IQSEC1: variants seen among roughly 807,000 people sequenced by gnomAD.
IQSEC1 encodes IQ motif and SEC7 domain-containing protein 1.
IQSEC1 carries 31 observed loss-of-function variants against 91.0 expected under a neutral mutation model. The observed-to-expected ratio is 0.34, with a 90% CI of 0.26 to 0.46. IQSEC1 has a LOEUF of 0.46. Ranked by LOEUF, IQSEC1 falls within the 20% of genes least tolerant of loss-of-function variation. The pLI is 1.00. For missense variants in IQSEC1, 1,388 were observed against 1,575.6 expected (o/e 0.88, Z 2.02); for synonymous variants, 699 against 662.6 (o/e 1.05, Z -0.84).
At chr3:13,189,347 T>G (rs1367981640) in intron 1 of IQSEC1, among the ~76,000 whole-genome samples, 3 of 152,068 alleles carry the variant, frequency 2.0e-5, no homozygotes, top group African/African-American at 7.2e-5. Flanking sequence ...TGAACCCCAA[T>G]CCCCATTCAT....
rs1006210787 is a variant in IQSEC1, at chr3:13,282,485, T to C, written c.272+226A>G. Among the ~76,000 whole-genome samples, 41 of 151,922 alleles carry C rather than the reference T, an allele frequency of 2.7e-4. No homozygotes were observed. Among genetic ancestry groups the C allele is most frequent in the African/African-American group, 9.9e-4 (41 of 41,458 alleles). ...GCTGAGCAGCTCCCTGGAGCCCTTTTCCAGGGAACCCAGTCCCCACCCGAG... is the reference window on the plus strand; with the variant it reads ...GCTGAGCAGCTCCCTGGAGCCCTTTCCCAGGGAACCCAGTCCCCACCCGAG... On this transcript the variant is annotated intron_variant, in intron 1 of 15. Transcript: ENST00000648114. The surrounding 1 kb of genome is among the most constrained non-coding windows in gnomAD (Gnocchi z 6.4).
rs1409039520 is a variant in IQSEC1 at position 13,207,682 on chromosome 3, C to T, written c.273-43549G>A. On this transcript the variant is annotated intron_variant, in intron 1 of 15. Coordinates refer to the IQSEC1 transcript ENST00000648114. This position sits in a 1 kb window ranked among gnomAD's most constrained non-coding sequence, Gnocchi z 4.8. ...AGCCTCTGCACCCAGGGCTCCTTCG[C>T]CCCTCAGATTCCTGCAGGGGCTTAT... Among the ~76,000 whole-genome samples the T allele has an allele frequency of 6.6e-6, 1 of 152,210 alleles. No homozygotes were observed. The highest frequency in any genetic ancestry group is 1.5e-5 in the Non-Finnish European group (1 of 68,034).
chr3:12,948,271 C>T (rs959572322), intron 1 of IQSEC1, among the ~76,000 whole-genome samples: 2 of 152,266 alleles, frequency 1.3e-5, no homozygotes, highest in Non-Finnish European at 2.9e-5. Flanking sequence ...CAAGCCCCAG[C>T]AGCTGGAGGC....
At chr3:12,996,529 G>C (rs1444043198) in intron 1 of IQSEC1, among the ~76,000 whole-genome samples, 1 of 152,152 alleles carries the variant, frequency 6.6e-6, no homozygotes, top group Non-Finnish European at 1.5e-5. Context: ...CGTGAAGGAA[G>C]ATGTCGAACA....
At chr3:12,959,298 A>C (rs1256623846) in intron 1 of IQSEC1, among the ~76,000 whole-genome samples, 2 of 152,176 alleles carry the variant, frequency 1.3e-5, no homozygotes, top group African/African-American at 4.8e-5. Flanking sequence ...CGTCCTGGCA[A>C]GGGGAAAGCC....
At chr3:12,973,224 C>T (rs905586792) in intron 1 of IQSEC1, among the ~76,000 whole-genome samples, 3 of 152,196 alleles carry the variant, frequency 2.0e-5, no homozygotes, top group African/African-American at 7.2e-5. Context: ...TTTTCAGCCT[C>T]ATTCCCAGCT....
intron 1 of IQSEC1, among the ~76,000 whole-genome samples, chr3:13,235,048 T>C (rs888618846): frequency 3.3e-4 from 50 of 152,180 alleles, no homozygotes; most frequent in African/African-American, 1.2e-3. Context: ...TCTGGGGGTC[T>C]AGCGAGGTGG....
chr3:13,117,569 CAAAAAAAA>C (rs34002295), intron 2 of IQSEC1, among the ~76,000 whole-genome samples: 5 of 9,444 alleles, frequency 5.3e-4, no homozygotes, highest in African/African-American at 1.7e-3. Context: ...GACTCCGTCT[CAAAAAAAA>C]AAAAAAAAAA....
At position 13,125,845 on chromosome 3, in the gene IQSEC1, C is replaced by T. The variant is rs141550446; in HGVS notation, c.302+38259G>A. Reference sequence around the variant, plus strand: ...GAAGCCAGCTGAGGGCCATGGGCTGCCCGGTGTTCCCCTCCCAGTGCGGTC... The same window carrying T: ...GAAGCCAGCTGAGGGCCATGGGCTGTCCGGTGTTCCCCTCCCAGTGCGGTC... On this transcript the variant is annotated intron_variant, in intron 2 of 15. Coordinates refer to the IQSEC1 transcript ENST00000648114. Among the ~76,000 whole-genome samples the T allele has an allele frequency of 6.9e-3, 1,050 of 152,298 alleles. 14 individuals are homozygous for T. The highest frequency in any genetic ancestry group is 0.024 in the African/African-American group (998 of 41,544).
intron 2 of IQSEC1, among the ~76,000 whole-genome samples, chr3:13,116,953 C>A (rs945740568): frequency 2.6e-5 from 4 of 152,000 alleles, no homozygotes; most frequent in Admixed American, 2.0e-4. Context: ...GCACCACAGG[C>A]ATAGGCGACA....
intron 1 of IQSEC1, among the ~76,000 whole-genome samples, chr3:13,215,110 T>C (rs1323076339): frequency 6.6e-6 from 1 of 151,730 alleles, no homozygotes; most frequent in Non-Finnish European, 1.5e-5. Flanking sequence ...GAAGAGAAGG[T>C]GACTCTTTAC....
chr3:13,169,087 G>A (rs1157189979), intron 1 of IQSEC1, among the ~76,000 whole-genome samples: 7 of 152,206 alleles, frequency 4.6e-5, no homozygotes, highest in African/African-American at 1.7e-4. Context: ...CAGGGTGGGT[G>A]ATATGGTTTG....
chr3:13,101,283 C>T (rs1706058514), intron 2 of IQSEC1, among the ~76,000 whole-genome samples: 1 of 152,146 alleles, frequency 6.6e-6, no homozygotes, highest in Non-Finnish European at 1.5e-5. Context: ...AGATTGAGAC[C>T]ATCCTGGCTA....
chr3:13,170,140 T>C (rs1693580355), intron 1 of IQSEC1, among the ~76,000 whole-genome samples: 1 of 152,232 alleles, frequency 6.6e-6, no homozygotes, highest in East Asian at 1.9e-4. Context: ...AGGGACTTGG[T>C]GCTCTGCCTC....
At chr3:13,249,520 T>C (rs1257321569) in intron 1 of IQSEC1, among the ~76,000 whole-genome samples, 1 of 152,154 alleles carries the variant, frequency 6.6e-6, no homozygotes, top group Non-Finnish European at 1.5e-5. Context: ...GAAGAGAGTT[T>C]ATTCTATTTC....
intron 1 of IQSEC1, among the ~76,000 whole-genome samples, chr3:12,955,616 T>A (rs373981794): frequency 6.6e-6 from 1 of 152,262 alleles, no homozygotes; most frequent in East Asian, 1.9e-4. Flanking sequence ...CAAACCAGGG[T>A]AACAGGCTTA....
chr3:13,197,284 C>T (rs1008804787), intron 1 of IQSEC1, among the ~76,000 whole-genome samples: 1 of 152,248 alleles, frequency 6.6e-6, no homozygotes, highest in African/African-American at 2.4e-5. Context: ...AGCCCCCAAG[C>T]GCCCACAACA....
At chr3:13,030,716 G>A (rs1703811779) in intron 1 of IQSEC1, among the ~76,000 whole-genome samples, 1 of 152,260 alleles carries the variant, frequency 6.6e-6, no homozygotes, top group Non-Finnish European at 1.5e-5. Context: ...TGTGGGTCTT[G>A]TTAGGGCCCT....
At chr3:12,976,344 G>A (rs911138052) in intron 1 of IQSEC1, among the ~76,000 whole-genome samples, 4 of 152,198 alleles carry the variant, frequency 2.6e-5, no homozygotes, top group African/African-American at 4.8e-5. Context: ...GTGGGGAAGC[G>A]GTCCTTGCCT....
Sources: allele counts gnomAD v4.1 joint callset (sites outside exome capture counted in the v4.1 genomes callset), GRCh38; gene constraint gnomAD v4.1.1; non-coding constraint Gnocchi (gnomAD v3.1); transcripts MANE v1.5; gene names NCBI Gene and HGNC (gene_info 2026-07-23, HGNC 2026-07-21).